Variants in NCKAP5 observed in about 807,000 individuals in gnomAD.
The protein encoded by NCKAP5 is nck-associated protein 5.
A neutral mutation model predicts 167.0 loss-of-function variants in NCKAP5; 92 were observed. That is an observed-to-expected ratio of 0.55 (90% confidence interval 0.47 to 0.66). The LOEUF (loss-of-function observed/expected upper bound fraction) is 0.66. NCKAP5 is among the 30% of genes least tolerant of loss of function. NCKAP5 has a pLI of 0.00. For missense variants in NCKAP5, 2,378 were observed against 2,315.0 expected (o/e 1.03, Z -0.56); for synonymous variants, 891 against 877.4 (o/e 1.02, Z -0.27).
chr2:132,798,450 G>T (rs1417672593), intron 11 of NCKAP5, among the ~76,000 whole-genome samples: 4 of 152,168 alleles, frequency 2.6e-5, no homozygotes, highest in African/African-American at 9.7e-5. Context: ...ATGCAAACAG[G>T]ACAAGAAGTT....
intron 3 of NCKAP5, among the ~76,000 whole-genome samples, chr2:133,326,537 A>C (rs1431031618): frequency 6.6e-6 from 1 of 151,964 alleles, no homozygotes; most frequent in Non-Finnish European, 1.5e-5. Context: ...GGACAGCCAC[A>C]GCAAGAGTCC....
At chr2:133,622,659 G>A in the NCKAP5 span, among the ~76,000 whole-genome samples, 1 of 152,094 alleles carries the variant, frequency 6.6e-6, no homozygotes, top group Non-Finnish European at 1.5e-5. Flanking sequence ...AATCATAGAT[G>A]ACACAAACAA....
chr2:132,737,081 A>C (rs910652449), intron 16 of NCKAP5, among the ~76,000 whole-genome samples: 6 of 152,186 alleles, frequency 3.9e-5, no homozygotes, highest in Non-Finnish European at 8.8e-5. Flanking sequence ...GGGATGACTT[A>C]AGGCACTACT....
chr2:133,236,988 G>A (rs971905617), intron 4 of NCKAP5, among the ~76,000 whole-genome samples: 6 of 151,322 alleles, frequency 4.0e-5, no homozygotes, highest in African/African-American at 9.7e-5. Flanking sequence ...CATGGCACAC[G>A]TATACATATG....
intron 5 of NCKAP5, among the ~76,000 whole-genome samples, chr2:133,184,070 A>C (rs1378421989): frequency 2.0e-5 from 3 of 152,088 alleles, no homozygotes; most frequent in Non-Finnish European, 2.9e-5. Flanking sequence ...CTGTCACCCA[A>C]GTAGTGAGCA....
chr2:133,538,931 GTTTTTTTTTTTT>G (rs71412735), intron 2 of NCKAP5, among the ~76,000 whole-genome samples: 1 of 108,586 alleles, frequency 9.2e-6, no homozygotes, highest in African/African-American at 4.0e-5. Context: ...GTTTTTTTGG[GTTTTTTTTTTTT>G]TTTTTTTTTT....
intron 3 of NCKAP5, among the ~76,000 whole-genome samples, chr2:133,388,837 G>C (rs577267954): frequency 7.2e-5 from 11 of 152,362 alleles, no homozygotes; most frequent in Middle Eastern, 3.4e-3. Context: ...CTCCGAGCCA[G>C]GTGTGGGATA....
intron 19 of NCKAP5, among the ~76,000 whole-genome samples, chr2:132,715,835 C>T (rs1689319564): frequency 6.6e-6 from 1 of 152,198 alleles, no homozygotes; most frequent in African/African-American, 2.4e-5. Context: ...GGGCCTGGTG[C>T]ACCTGCTGGG....
In NCKAP5 at chr2:132,731,962, A is replaced by G; in HGVS notation, c.5218T>C (p.Cys1740Arg). Residue 1740 changes from cysteine to arginine, a missense_variant, in exon 17 of 20, where the codon TGC (cysteine) becomes CGC (arginine). Physicochemically the swap from Cys to Arg is radical, Grantham distance 180. Coordinates refer to ENST00000409261, the MANE Select transcript of NCKAP5 (RefSeq NM_207363.3). ...SGNRSTGRYL[C>R]QPDSPEDAEP... ...GCGTCCTCTGGGGAGTCTGGCTGGCATAGGTAGCGTCCTGTCGAGCGATTT... is the reference window on the plus strand; with the variant it reads ...GCGTCCTCTGGGGAGTCTGGCTGGCGTAGGTAGCGTCCTGTCGAGCGATTT... 6.2e-7 allele frequency: 1 copy of G among 1,613,950 alleles called. No homozygotes were observed. The highest frequency in any genetic ancestry group is 1.3e-5 in the African/African-American group (1 of 75,024).
intron 4 of NCKAP5, among the ~76,000 whole-genome samples, chr2:133,262,026 T>C (rs760128006): frequency 5.3e-5 from 8 of 152,242 alleles, no homozygotes; most frequent in Non-Finnish European, 1.2e-4. Context: ...CAAAGTGATA[T>C]GAAAATTATA....
intron 19 of NCKAP5, among the ~76,000 whole-genome samples, chr2:132,696,928 C>A (rs1174376610): frequency 3.3e-5 from 5 of 152,152 alleles, no homozygotes; most frequent in Non-Finnish European, 7.4e-5. Context: ...CACTCTGTCA[C>A]CCAGGCTGGA....
At chr2:133,117,782 T>G (rs1208108510) in intron 6 of NCKAP5, 1 of 152,206 alleles carries the variant, frequency 6.6e-6, no homozygotes, top group Non-Finnish European at 1.5e-5. Context: ...AGGTGACCGC[T>G]GGGCTTCAGG....
At chr2:133,154,062 G>A (rs577525578) in intron 5 of NCKAP5, among the ~76,000 whole-genome samples, 4 of 151,956 alleles carry the variant, frequency 2.6e-5, no homozygotes, top group East Asian at 1.9e-4. Context: ...AGCTGGTCTC[G>A]AACTCCTGGC....
At chr2:132,692,154 A>ATTTTTT (rs1553472636) in intron 19 of NCKAP5, among the ~76,000 whole-genome samples, 1 of 141,764 alleles carries the variant, frequency 7.1e-6, no homozygotes, top group African/African-American at 2.9e-5. Context: ...ATTTTATTTT[A>ATTTTTT]TTTTTTGAGA....
rs191154689 is a variant in NCKAP5, at chr2:132,873,677, G to A, written c.649-4703C>T. On this transcript the variant is annotated intron_variant, in intron 9 of 19. Transcript: ENST00000409261. The stretch of plus-strand genomic sequence containing the variant: ...GTCTGCCTAATCCAAAGCCCATGAA[G>A]TTCTCTTCTAATTCAAATCAGACTA... 5.3e-5 allele frequency among the ~76,000 whole-genome samples: 8 copies of A among 152,270 alleles called. No individual in the cohort carries two copies. In the East Asian group the frequency reaches 1.4e-3, roughly 26 times the overall value.
rs989024824 is a variant in NCKAP5, at chr2:133,065,628, A to T, written c.341+64350T>A. ...GACAGAGCGAGACTCTATCTTAAAA[A>T]TTTTTTTTCTCTCTCATTAAGTTAG... On this transcript the variant is annotated intron_variant, in intron 6 of 19. Transcript: ENST00000409261. Among the ~76,000 whole-genome samples, 86 of 152,030 alleles carry T rather than the reference A, an allele frequency of 5.7e-4. 1 individual carries two copies. Among genetic ancestry groups the T allele is most frequent in the East Asian group, 1.7e-3 (9 of 5,150 alleles).
intron 3 of NCKAP5, among the ~76,000 whole-genome samples, chr2:133,407,528 C>A (rs1559460108): frequency 6.6e-6 from 1 of 152,074 alleles, no homozygotes; most frequent in South Asian, 2.1e-4. Flanking sequence ...TTTTGTGTAC[C>A]CTCTCCACGT....
chr2:133,495,168 C>G (rs1043477336), intron 3 of NCKAP5, among the ~76,000 whole-genome samples: 31 of 152,150 alleles, frequency 2.0e-4, no homozygotes, highest in African/African-American at 6.8e-4. Context: ...CAACATACAT[C>G]TTACATGTAT....
At chr2:133,201,901 C>A (rs1048919127) in intron 5 of NCKAP5, among the ~76,000 whole-genome samples, 7 of 151,970 alleles carry the variant, frequency 4.6e-5, no homozygotes, top group Non-Finnish European at 8.8e-5. Context: ...CAAACAAATG[C>A]AAGAACATTC....
Sources: gnomAD v4.1 joint callset for allele counts (sites outside exome capture counted in the v4.1 genomes callset) on GRCh38, gnomAD v4.1.1 for gene constraint, MANE v1.5 for transcripts, NCBI Gene and HGNC (gene_info 2026-07-23, HGNC 2026-07-21) for gene names.